The following GRK4 variants were observed in gnomAD, a reference collection of about 807,000 sequenced individuals.
GRK4 encodes G protein-coupled receptor kinase 4, also known as G protein-coupled receptor kinase 2-like.
Under a neutral mutation model 77.9 loss-of-function variants are expected in GRK4, and 73 were observed. The ratio of observed to expected loss-of-function variants is 0.94; its 90% confidence interval spans 0.78 to 1.14. The LOEUF (loss-of-function observed/expected upper bound fraction) is 1.14, where lower values mean the gene tolerates loss of function less well. GRK4 is among the 50% of genes most tolerant of loss of function. GRK4 has a pLI of 0.00. For synonymous variants in GRK4, 257 were observed against 254.4 expected, an observed-to-expected ratio of 1.01 and a Z score of -0.10; for missense variants, 729 against 700.2, an observed-to-expected ratio of 1.04 and a Z score of -0.46.
At position 2,988,781 on chromosome 4, in the gene GRK4, G is replaced by A. The variant is rs902601191; in HGVS notation, c.203G>A (p.Arg68Lys). The A allele has an allele frequency of 1.2e-6, 2 of 1,613,388 alleles. No individual in the cohort carries two copies. The highest frequency in any genetic ancestry group is 4.5e-5 in the East Asian group (2 of 44,890). The change falls in exon 3 of 16, where the codon AGG becomes AAG. Residue 68 changes from arginine (R) to lysine (K), a missense_variant. Coordinates refer to ENST00000398052, the MANE Select transcript of GRK4 (RefSeq NM_182982.3). ...CAACCGATAGGAAGACGTCTCTTCA[G>A]GCAGTTCTGTGATACCAAACCCACT... is the stretch of plus-strand genomic sequence containing the variant. ...DKQPIGRRLF[R>K]QFCDTKPTLK...
Position 2,979,057 on chromosome 4 carries a change from G to A in GRK4, c.53-5456G>A, listed in dbSNP as rs976620683. On this transcript the variant is annotated intron_variant, in intron 1 of 15. Transcript: ENST00000398052. ...ATCCTGGTTAACGTGGTGAAACACCGTCTGTAAATACAAAAAAATTAGCCA... is the reference window on the plus strand; with the variant it reads ...ATCCTGGTTAACGTGGTGAAACACCATCTGTAAATACAAAAAAATTAGCCA... Among the ~76,000 whole-genome samples the A allele has an allele frequency of 1.1e-4, 16 of 151,816 alleles. No homozygotes were observed. The East Asian group carries it at 1.8e-3, about 17-fold the overall frequency.
At chr4:3,022,346 T>C (rs1736320163) in intron 9 of GRK4, 68 bp from the exon 10 acceptor site, 3 of 1,505,724 alleles carry the variant, frequency 2.0e-6, no homozygotes, top group Middle Eastern at 1.7e-4. Context: ...TGGTTGTTCC[T>C]ACTGGGTACT....
In GRK4 at chr4:3,038,465, G is replaced by C. The variant is rs141974533; in HGVS notation, c.1635G>C (p.Pro545=). 5.4e-4 allele frequency: 871 copies of C among 1,613,872 alleles called. 11 individuals carry two copies. The highest frequency in any genetic ancestry group is 8.2e-4 in the Middle Eastern group (5 of 6,084). The change falls in exon 15 of 16, where the codon CCG becomes CCC. Residue 545 remains proline (P), a synonymous_variant. Coordinates refer to ENST00000398052, the MANE Select transcript of GRK4 (RefSeq NM_182982.3). The stretch of plus-strand genomic sequence containing the variant: ...ATCTAGACAAGAACATACATACCCC[G>C]GTTTCCAGACCAAACAGAGGCTTCT... ...PLDLDKNIHT[P]VSRPNRGFFY...
At chr4:2,998,340 C>T (rs1046827900) in intron 4 of GRK4, among the ~76,000 whole-genome samples, 4 of 151,210 alleles carry the variant, frequency 2.6e-5, no homozygotes, top group Non-Finnish European at 4.4e-5. Context: ...CTGGGCAACA[C>T]AGCAAGACTC....
intron 4 of GRK4, among the ~76,000 whole-genome samples, chr4:2,998,899 C>T (rs992704455): frequency 1.4e-4 from 22 of 151,840 alleles, no homozygotes; most frequent in African/African-American, 3.6e-4. Flanking sequence ...AGTCAAGGGA[C>T]GTGGACTATA....
chr4:3,008,047 T>C (rs1265747406), intron 6 of GRK4, among the ~76,000 whole-genome samples: 1 of 152,168 alleles, frequency 6.6e-6, no homozygotes. Context: ...GAGACCTCAA[T>C]AAAAGAAGTG....
At chr4:3,037,021 G>A (rs1478096673) in intron 13 of GRK4, among the ~76,000 whole-genome samples, 1 of 151,800 alleles carries the variant, frequency 6.6e-6, no homozygotes, top group Non-Finnish European at 1.5e-5. Context: ...CTACGGAAAG[G>A]AGAAGGGCAT....
chr4:3,019,610 T>G, intron 8 of GRK4, 31 bp from the exon 9 acceptor site: 4 of 1,534,992 alleles, frequency 2.6e-6, no homozygotes, highest in Non-Finnish European at 3.6e-6. Flanking sequence ...AGCAAGTTCG[T>G]GTTCTGTTTT....
chr4:3,013,860 T>C (rs931491157), intron 8 of GRK4, 32 bp downstream of exon 8: 1 of 1,580,456 alleles, frequency 6.3e-7, no homozygotes, highest in African/African-American at 1.4e-5. Context: ...TCACTGTGCA[T>C]TGTTTGATTC....
At chr4:3,005,668 G>T (rs1295487607) in intron 5 of GRK4, among the ~76,000 whole-genome samples, 1 of 152,084 alleles carries the variant, frequency 6.6e-6, no homozygotes, top group African/African-American at 2.4e-5. Flanking sequence ...GCCAGGCCTG[G>T]GGGTGTGCGC....
chr4:3,029,732 A>C (rs538731869), intron 12 of GRK4, among the ~76,000 whole-genome samples: 1 of 147,170 alleles, frequency 6.8e-6, no homozygotes, highest in Admixed American at 6.7e-5. Flanking sequence ...GGGAGGACAC[A>C]TGTGCTCAGG....
In GRK4 at chr4:3,027,967, G is replaced by A. The variant is rs147312019; in HGVS notation, c.1026G>A (p.Arg342=). ...CCACAGAGATCCCAGAAGGACAGAGGGTTCGAGGAAGAGTTGGAACAGTCG... is the reference window on the plus strand; with the variant it reads ...CCACAGAGATCCCAGAAGGACAGAGAGTTCGAGGAAGAGTTGGAACAGTCG... ...GLATEIPEGQ[R]VRGRVGTVGY... Residue 342 remains arginine (R), a synonymous_variant, in exon 11 of 16, where the codon AGG becomes AGA. Coordinates refer to ENST00000398052, the MANE Select transcript of GRK4 (RefSeq NM_182982.3). The A allele has an allele frequency of 6.2e-7, 1 of 1,614,040 alleles. No homozygotes were observed. The highest frequency in any genetic ancestry group is 1.3e-5 in the African/African-American group (1 of 74,912).
chr4:3,028,176 G>A (rs1038472489), intron 11 of GRK4, among the ~76,000 whole-genome samples, 175 bp downstream of exon 11: 1 of 152,184 alleles, frequency 6.6e-6, no homozygotes, highest in African/African-American at 2.4e-5. Flanking sequence ...TGGGGATCCT[G>A]TAGGCTGCCC....
chr4:2,982,900 GGTT>G (rs1723231470), intron 1 of GRK4, among the ~76,000 whole-genome samples: 1 of 152,164 alleles, frequency 6.6e-6, no homozygotes, highest in African/African-American at 2.4e-5. Context: ...ATTGGCAGGT[GGTT>G]GTTACATGTT....
intron 1 of GRK4, 133 bp downstream of exon 1, chr4:2,964,255 G>A: frequency 2.5e-6 from 2 of 806,416 alleles, no homozygotes; most frequent in Non-Finnish European, 3.9e-6. Flanking sequence ...ACCTCCCACT[G>A]GGGGAACCCA....
chr4:2,964,177 G>A, intron 1 of GRK4, 55 bp downstream of exon 1: 1 of 1,448,648 alleles, frequency 6.9e-7, no homozygotes, highest in Non-Finnish European at 9.4e-7. Context: ...CGAATCCCGG[G>A]GAACCCTGGC....
intron 15 of GRK4, among the ~76,000 whole-genome samples, chr4:3,039,133 G>A (rs767838910): frequency 3.3e-5 from 5 of 150,930 alleles, no homozygotes; most frequent in Non-Finnish European, 5.9e-5. Flanking sequence ...GGAGAATCGC[G>A]TGAACCCAGG....
At chr4:2,979,485 G>A (rs990339810) in intron 1 of GRK4, among the ~76,000 whole-genome samples, 12 of 151,956 alleles carry the variant, frequency 7.9e-5, no homozygotes, top group African/African-American at 1.7e-4. Context: ...AGGCCGAGGC[G>A]GGCGGATCAC....
At chr4:3,018,062 C>A (rs1386848972) in intron 8 of GRK4, among the ~76,000 whole-genome samples, 1 of 149,178 alleles carries the variant, frequency 6.7e-6, no homozygotes, top group Non-Finnish European at 1.5e-5. Context: ...TTTTCTTTTT[C>A]TTTTTCTTTT....
Sources: allele counts gnomAD v4.1 joint callset (sites outside exome capture counted in the v4.1 genomes callset), GRCh38; gene constraint gnomAD v4.1.1; transcripts MANE v1.5; gene names NCBI Gene and HGNC (gene_info 2026-07-23, HGNC 2026-07-21).